ATPAF2: variants seen among roughly 807,000 people sequenced by gnomAD.
ATPAF2 encodes ATP synthase mitochondrial F1 complex assembly factor 2.
Under a neutral mutation model 36.6 loss-of-function variants are expected in ATPAF2, and 30 were observed. The observed-to-expected ratio is 0.82, with a 90% CI of 0.61 to 1.11. ATPAF2 has a LOEUF of 1.11. ATPAF2 is among the 50% of genes most tolerant of loss of function. The pLI, the probability that ATPAF2 is intolerant of heterozygous loss-of-function variation, is 0.00. For synonymous variants in ATPAF2, 140 were observed against 152.6 expected (o/e 0.92, Z 0.61); for missense variants, 321 against 372.3 (o/e 0.86, Z 1.13).
chr17:18,021,099 G>A (rs758911248), intron 7 of ATPAF2, 24 bp downstream of exon 7: 68 of 1,602,176 alleles, frequency 4.2e-5, no homozygotes, highest in Non-Finnish European at 5.3e-5. Flanking sequence ...AGGGGGAGGC[G>A]GGACCTGAGG....
chr17:18,036,840 G>A (rs1481279260), intron 1 of ATPAF2, among the ~76,000 whole-genome samples: 1 of 152,144 alleles, frequency 6.6e-6, no homozygotes, highest in East Asian at 1.9e-4. Context: ...GGGAGGCTGA[G>A]GCGGGAGGAT....
chr17:18,027,982 G>A, intron 3 of ATPAF2: 1 of 545,080 alleles, frequency 1.8e-6, no homozygotes, highest in Non-Finnish European at 3.3e-6. Flanking sequence ...GTCAATGAAG[G>A]TGACATCTGT....
downstream of ATPAF2, chr17:18,016,433 G>A (rs2044366019): frequency 1.2e-6 from 1 of 804,542 alleles, no homozygotes. Flanking sequence ...ACCTGGGGAG[G>A]CGCTGAAGCA....
At chr17:18,034,475 A>G (rs1216401462) in intron 1 of ATPAF2, among the ~76,000 whole-genome samples, 1 of 152,248 alleles carries the variant, frequency 6.6e-6, no homozygotes, top group African/African-American at 2.4e-5. Context: ...AATAGCCATT[A>G]AGCACGTGAA....
intron 6 of ATPAF2, 79 bp downstream of exon 6, chr17:18,021,665 TG>T: frequency 8.0e-7 from 1 of 1,247,622 alleles, no homozygotes; most frequent in Non-Finnish European, 1.2e-6. Context: ...TCACAGGACC[TG>T]GGGAGGGGCA....
chr17:18,016,839 A>C, downstream of ATPAF2: 1 of 509,976 alleles, frequency 2.0e-6, no homozygotes, highest in Non-Finnish European at 3.5e-6. Context: ...AAAGTAGAGA[A>C]AATAAAGGAC....
Position 18,018,600 on chromosome 17 carries a change from G to A in ATPAF2, c.819C>T (p.Ile273=). Residue 273 remains isoleucine (I), a synonymous_variant, in exon 8 of 8, where the codon ATC becomes ATT. Transcript: ENST00000474627. Reference sequence around the variant, plus strand: ...CTGTGGTGCTCTCGGAGCAGAGATGGATGAAGAGGGTGCCGGCGGCGGTGC... The same window carrying A: ...CTGTGGTGCTCTCGGAGCAGAGATGAATGAAGAGGGTGCCGGCGGCGGTGC... ...RARTAAGTLF[I]HLCSESTTVK... 1 of 1,613,986 alleles carries A rather than the reference G, an allele frequency of 6.2e-7. No homozygotes were observed. Among genetic ancestry groups the A allele is most frequent in the Middle Eastern group, 1.6e-4 (1 of 6,062 alleles).
rs2044413690 is a variant in ATPAF2 at position 18,018,309 on chromosome 17, C to T, written c.*240G>A. On this transcript the variant is annotated 3_prime_UTR_variant, in exon 8 of 8. Coordinates refer to ENST00000474627, the MANE Select transcript of ATPAF2 (RefSeq NM_145691.4). ...AATAAAATCAGAGTCGAGAGAAAGT[C>T]ACTTGCACAATTCATCTCCTACATT... is the stretch of plus-strand genomic sequence containing the variant. 1.7e-6 allele frequency: 1 copy of T among 581,616 alleles called. No homozygotes were observed. 36.0% of individuals were successfully genotyped at this position (581,616 alleles called of 1,614,324 possible).
chr17:18,024,936 C>T (rs2044522717), intron 4 of ATPAF2: 7 of 550,240 alleles, frequency 1.3e-5, no homozygotes, highest in Non-Finnish European at 2.0e-5. Flanking sequence ...GAAATCAGAA[C>T]CTCTGGAGGG....
In ATPAF2 at chr17:18,039,021, G is replaced by A. The variant is rs1255241857; in HGVS notation, c.-8C>T. The A allele has an allele frequency of 6.3e-7, 1 of 1,592,692 alleles. No individual in the cohort carries two copies. On this transcript the variant is annotated 5_prime_UTR_variant, in exon 1 of 8. Transcript: ENST00000474627. This position sits in a 1 kb window ranked among gnomAD's most constrained non-coding sequence, Gnocchi z 5.3. ...GAGGCAGCTCCTCCACATCGCGCCC[G>A]AGGGTCTGGGAAGATGCGAGACGCG...
At chr17:18,036,145 G>A (rs1287640836) in intron 1 of ATPAF2, among the ~76,000 whole-genome samples, 2 of 152,146 alleles carry the variant, frequency 1.3e-5, no homozygotes, top group Admixed American at 1.3e-4. Flanking sequence ...TCAATGGCAT[G>A]GCCATTCCTA....
At chr17:18,016,234 C>G (rs781477150), downstream of ATPAF2, 19 of 1,600,600 alleles carry the variant, frequency 1.2e-5, no homozygotes, top group South Asian at 2.1e-4. Flanking sequence ...GCTGGATGAA[C>G]TTTTCTAGCT....
chr17:18,035,916 T>C (rs574389656), intron 1 of ATPAF2, among the ~76,000 whole-genome samples: 5 of 152,316 alleles, frequency 3.3e-5, no homozygotes, highest in African/African-American at 9.6e-5. Flanking sequence ...AGACAAGACT[T>C]CTAGCCTTGA....
chr17:18,039,036 T>A lies in ATPAF2; in HGVS notation c.-23A>T. On this transcript the variant is annotated 5_prime_UTR_variant, in exon 1 of 8. Transcript: ENST00000474627. The surrounding 1 kb of genome is among the most constrained non-coding windows in gnomAD (Gnocchi z 5.3). ...CATCGCGCCCGAGGGTCTGGGAAGATGCGAGACGCGAAACCTGGAGCAGGA... is the reference window on the plus strand; with the variant it reads ...CATCGCGCCCGAGGGTCTGGGAAGAAGCGAGACGCGAAACCTGGAGCAGGA... The A allele has an allele frequency of 1.3e-6, 2 of 1,578,534 alleles. No homozygotes were observed. The highest frequency in any genetic ancestry group is 1.7e-6 in the Non-Finnish European group (2 of 1,161,958).
intron 5 of ATPAF2, among the ~76,000 whole-genome samples, chr17:18,023,733 G>A (rs1434567450): frequency 6.6e-6 from 1 of 152,160 alleles, no homozygotes; most frequent in Non-Finnish European, 1.5e-5. Context: ...GGCAGCATGT[G>A]GCAAATCAGT....
chr17:18,027,533 T>C (rs2044565570), intron 3 of ATPAF2, among the ~76,000 whole-genome samples: 1 of 152,166 alleles, frequency 6.6e-6, no homozygotes, highest in Non-Finnish European at 1.5e-5. Flanking sequence ...TGGGTACTAT[T>C]ATCACTCATC....
intron 3 of ATPAF2, chr17:18,026,719 A>T (rs1030320162): frequency 2.1e-6 from 1 of 480,122 alleles, no homozygotes; most frequent in Non-Finnish European, 3.8e-6. Flanking sequence ...ATTTAATTTA[A>T]TCCTCACAAC....
chr17:18,023,211 A>G (rs1452368725), intron 5 of ATPAF2, among the ~76,000 whole-genome samples: 1 of 150,976 alleles, frequency 6.6e-6, no homozygotes, highest in African/African-American at 2.4e-5. Flanking sequence ...GTGGGCAATC[A>G]CTTGAGGTCA....
intron 5 of ATPAF2, among the ~76,000 whole-genome samples, chr17:18,023,092 G>C (rs1006445773): frequency 1.4e-5 from 2 of 146,334 alleles, no homozygotes; most frequent in Admixed American, 1.4e-4. Context: ...TCACGCCACT[G>C]CACTCCAGCC....
Sources: gnomAD v4.1 joint callset for allele counts (sites outside exome capture counted in the v4.1 genomes callset) on GRCh38, gnomAD v4.1.1 for gene constraint, Gnocchi (gnomAD v3.1) non-coding constraint, MANE v1.5 for transcripts, NCBI Gene and HGNC (gene_info 2026-07-23, HGNC 2026-07-21) for gene names.